The following HDAC4 variants were observed in gnomAD, a reference collection of about 807,000 sequenced individuals.
The protein encoded by HDAC4 is histone deacetylase 4.
HDAC4 carries 16 observed loss-of-function variants against 135.1 expected under a neutral mutation model. That is an observed-to-expected ratio of 0.12 (90% CI 0.08 to 0.18). The LOEUF is 0.18. Among genes scored for constraint, HDAC4 ranks in the 10% least tolerant of loss-of-function variants. The pLI is 1.00. For synonymous variants in HDAC4, 685 were observed against 653.4 expected (o/e 1.05, Z -0.74); for missense variants, 1,143 against 1,511.8 (o/e 0.76, Z 4.05).
At chr2:239,162,328 C>T (rs757839071) in intron 6 of HDAC4, 52 of 456,572 alleles carry the variant, frequency 1.1e-4, no homozygotes, top group Non-Finnish European at 2.0e-4. Flanking sequence ...TCCGCCAGGC[C>T]CCAGGCCCAC....
At chr2:239,113,658 AAT>A (rs920091903) in intron 13 of HDAC4, among the ~76,000 whole-genome samples, 2 of 152,224 alleles carry the variant, frequency 1.3e-5, no homozygotes, top group African/African-American at 4.8e-5. Flanking sequence ...TATTAATGTA[AAT>A]AGTTTCCCAT....
At chr2:239,322,762 T>G (rs1221014374) in intron 2 of HDAC4, among the ~76,000 whole-genome samples, 1 of 152,028 alleles carries the variant, frequency 6.6e-6, no homozygotes, top group Non-Finnish European at 1.5e-5. Flanking sequence ...TGCCCGGGTG[T>G]GGGTAGCCTG....
Position 239,068,529 on chromosome 2 carries a change from G to A in HDAC4, c.2829C>T (p.Gly943=). 1.9e-6 allele frequency: 3 copies of A among 1,613,874 alleles called. No homozygotes were observed. Among genetic ancestry groups the A allele is most frequent in the Non-Finnish European group, 2.5e-6 (3 of 1,179,898 alleles). Residue 943 remains glycine, a synonymous_variant, in exon 23 of 27, where the codon GGC becomes GGT. Transcript: ENST00000543185. This position sits in a 1 kb window ranked among gnomAD's most constrained non-coding sequence, Gnocchi z 4.4. The stretch of plus-strand genomic sequence containing the variant: ...TGTAGCCCCCAAGAGGGGTGGGGTG[G>A]CCCTCCACGGCATCGAAGCCTGATG... ...LVSSGFDAVE[G]HPTPLGGYNL...
intron 15 of HDAC4, among the ~76,000 whole-genome samples, chr2:239,106,634 A>G (rs1469803312): frequency 1.3e-5 from 2 of 152,152 alleles, no homozygotes; most frequent in East Asian, 1.9e-4. Context: ...CCTGACTTTT[A>G]GAGAATTCCC....
chr2:239,221,162 T>C (rs1000453510), intron 3 of HDAC4, among the ~76,000 whole-genome samples: 1 of 152,160 alleles, frequency 6.6e-6, no homozygotes, highest in African/African-American at 2.4e-5. Flanking sequence ...CCCTGTCAGA[T>C]GGTATTAGTG....
chr2:239,289,426 T>A (rs530161103), intron 2 of HDAC4, among the ~76,000 whole-genome samples: 2 of 152,242 alleles, frequency 1.3e-5, no homozygotes, highest in Non-Finnish European at 2.9e-5. Flanking sequence ...ACTTTTCTTA[T>A]GTTACAATAT....
intron 11 of HDAC4, among the ~76,000 whole-genome samples, chr2:239,133,956 G>A (rs1262868757): frequency 6.6e-6 from 1 of 152,198 alleles, no homozygotes; most frequent in African/African-American, 2.4e-5. Flanking sequence ...CGCTGGCTCA[G>A]CTTGGTCCAG....
chr2:239,372,486 ACACACGCGCG>A (rs1432195624), intron 1 of HDAC4, among the ~76,000 whole-genome samples: 2 of 152,222 alleles, frequency 1.3e-5, no homozygotes, highest in South Asian at 2.1e-4. Context: ...GCTCCCGCGC[ACACACGCGCG>A]CACACACACA....
At chr2:239,188,797 T>C (rs1305094014) in intron 4 of HDAC4, among the ~76,000 whole-genome samples, 1 of 152,242 alleles carries the variant, frequency 6.6e-6, no homozygotes, top group Admixed American at 6.5e-5. Context: ...TTGCTCCCTC[T>C]GGGAAGCTGG....
chr2:239,117,540 G>C (rs919957326), intron 12 of HDAC4, among the ~76,000 whole-genome samples: 1 of 140,024 alleles, frequency 7.1e-6, no homozygotes, highest in Non-Finnish European at 1.5e-5. Context: ...GAGAACAAGA[G>C]GGGAGAGAGG....
intron 7 of HDAC4, among the ~76,000 whole-genome samples, chr2:239,145,800 GGA>G (rs3838514): frequency 0.074 from 11,224 of 152,232 alleles, 524 homozygotes; most frequent in East Asian, 0.17. Flanking sequence ...GGAATGAGAC[GGA>G]GTTTCTCCTG....
rs1180998281 is a variant in HDAC4 at position 239,299,938 on chromosome 2, G to GAGGGGTC, written c.22+52733_22+52739dup. ...GGAGACAGGGGAGACAGAGAAGGAA[G>GAGGGGTC]AGGGGTCCCATCAGAGGACTCCCTG... is the stretch of plus-strand genomic sequence containing the variant. On this transcript the variant is annotated intron_variant, in intron 2 of 26. Coordinates refer to ENST00000543185, the MANE Select transcript of HDAC4 (RefSeq NM_001378414.1). The surrounding 1 kb of genome is among the most constrained non-coding windows in gnomAD (Gnocchi z 4.0). 6.6e-6 allele frequency among the ~76,000 whole-genome samples: 1 copy of GAGGGGTC among 152,202 alleles called. No homozygotes were observed. Among genetic ancestry groups the GAGGGGTC allele is most frequent in the Middle Eastern group, 3.2e-3 (1 of 316 alleles).
At position 239,313,866 on chromosome 2, in the gene HDAC4, C is replaced by T. The variant is rs1217694503; in HGVS notation, c.22+38812G>A. Among the ~76,000 whole-genome samples, 3 of 152,138 alleles carry T rather than the reference C, an allele frequency of 2.0e-5. No homozygotes were observed. The highest frequency in any genetic ancestry group is 2.9e-5 in the Non-Finnish European group (2 of 68,030). On this transcript the variant is annotated intron_variant, in intron 2 of 26. Transcript: ENST00000543185. This position sits in a 1 kb window ranked among gnomAD's most constrained non-coding sequence, Gnocchi z 5.1. ...ATGAAAGCCAGCCTGGAGCCCAGGG[C>T]CTGTCCTGGGGCAGCCACCTGCACT...
At chr2:239,133,490 G>A (rs987088493) in intron 11 of HDAC4, among the ~76,000 whole-genome samples, 27 of 152,296 alleles carry the variant, frequency 1.8e-4, no homozygotes, top group Admixed American at 1.6e-3. Flanking sequence ...TTTTTGAGAC[G>A]GAGTCTCGCT....
At chr2:239,346,552 CCTTCA>C (rs1421442482) in intron 2 of HDAC4, among the ~76,000 whole-genome samples, 1 of 79,460 alleles carries the variant, frequency 1.3e-5, no homozygotes. Context: ...CACAAACACA[CCTTCA>C]CACACACACA....
chr2:239,230,568 G>C (rs967403697), intron 3 of HDAC4, among the ~76,000 whole-genome samples: 2 of 152,094 alleles, frequency 1.3e-5, no homozygotes, highest in Non-Finnish European at 2.9e-5. Flanking sequence ...GGCCGCCACG[G>C]CCTCTCTTCT....
rs2045627638 is a variant in HDAC4, at chr2:239,199,596, G to A, written c.95-9519C>T. On this transcript the variant is annotated intron_variant, in intron 3 of 26. Coordinates refer to ENST00000543185, the MANE Select transcript of HDAC4 (RefSeq NM_001378414.1). ...GAGGAGGGTGTGTTTTCCGGTCACTGTTTACGAATGCTCACAGTCCTGTCC... is the reference window on the plus strand; with the variant it reads ...GAGGAGGGTGTGTTTTCCGGTCACTATTTACGAATGCTCACAGTCCTGTCC... 2.6e-5 allele frequency among the ~76,000 whole-genome samples: 4 copies of A among 152,194 alleles called. 1 individual carries two copies. In the South Asian group the frequency reaches 8.3e-4, roughly 31 times the overall value.
At position 239,053,451 on chromosome 2, in the gene HDAC4, G is replaced by A. The variant is rs775149364; in HGVS notation, c.3230+9C>T. ...GAGCCTGCAGGCGGGCGGCAGGGCAGGTGCTCACCTCTTTTCGGCGGGCTT... is the reference window on the plus strand; with the variant it reads ...GAGCCTGCAGGCGGGCGGCAGGGCAAGTGCTCACCTCTTTTCGGCGGGCTT... On this transcript the variant is annotated intron_variant, in intron 26 of 26. Transcript: ENST00000543185. The A allele has an allele frequency of 3.1e-6, 5 of 1,611,892 alleles. No homozygotes were observed. The highest frequency in any genetic ancestry group is 3.3e-5 in the Admixed American group (2 of 59,948).
intron 3 of HDAC4, among the ~76,000 whole-genome samples, chr2:239,202,528 G>A (rs2045819415): frequency 1.3e-5 from 2 of 152,108 alleles, no homozygotes; most frequent in South Asian, 4.1e-4. Context: ...TTGTTGCAGG[G>A]CAACCGGAGC....
Sources: gnomAD v4.1 joint callset for allele counts (sites outside exome capture counted in the v4.1 genomes callset) on GRCh38, gnomAD v4.1.1 for gene constraint, Gnocchi (gnomAD v3.1) non-coding constraint, MANE v1.5 for transcripts, NCBI Gene and HGNC (gene_info 2026-07-23, HGNC 2026-07-21) for gene names.